CPQ: variants seen among roughly 807,000 people sequenced by gnomAD.
CPQ encodes carboxypeptidase Q, also known as Ser-Met dipeptidase.
In CPQ, 37 loss-of-function variants were observed where a neutral mutation model predicts 45.7. The observed-to-expected ratio is 0.81, with a 90% CI of 0.62 to 1.07. The LOEUF (loss-of-function observed/expected upper bound fraction) is 1.07, where lower values mean the gene tolerates loss of function less well. Ranked by LOEUF, CPQ falls within the 50% of genes least tolerant of loss-of-function variation. The pLI, the probability that CPQ is intolerant of heterozygous loss-of-function variation, is 0.00. For missense variants in CPQ, 537 were observed against 572.9 expected, an observed-to-expected ratio of 0.94 and a Z score of 0.64; for synonymous variants, 186 against 205.8, an observed-to-expected ratio of 0.90 and a Z score of 0.82.
intron 4 of CPQ, among the ~76,000 whole-genome samples, chr8:96,916,876 A>G (rs1220230328): frequency 6.6e-6 from 1 of 152,118 alleles, no homozygotes; most frequent in Non-Finnish European, 1.5e-5. Context: ...TCAAAAGTTT[A>G]GACTGGGGTA....
At chr8:96,715,563 A>G (rs537795401) in intron 1 of CPQ, among the ~76,000 whole-genome samples, 1 of 152,280 alleles carries the variant, frequency 6.6e-6, no homozygotes, top group East Asian at 1.9e-4. Flanking sequence ...TGTATCTGCA[A>G]TGGTGGATGA....
At chr8:96,865,593 C>T (rs1811987176) in intron 3 of CPQ, among the ~76,000 whole-genome samples, 1 of 152,020 alleles carries the variant, frequency 6.6e-6, no homozygotes, top group Admixed American at 6.6e-5. Flanking sequence ...ACGGCCTTGC[C>T]TCTTATGCTG....
chr8:96,863,873 A>G (rs1811962710), intron 3 of CPQ, among the ~76,000 whole-genome samples: 1 of 152,090 alleles, frequency 6.6e-6, no homozygotes, highest in Non-Finnish European at 1.5e-5. Context: ...AGATGATCAT[A>G]CTGTATAAGT....
At chr8:97,083,710 A>C (rs1810996237) in intron 7 of CPQ, among the ~76,000 whole-genome samples, 1 of 152,174 alleles carries the variant, frequency 6.6e-6, no homozygotes, top group Non-Finnish European at 1.5e-5. Context: ...TGAATGTATA[A>C]AAGCACCTGG....
At chr8:96,784,303 A>C (rs926011997) in intron 1 of CPQ, among the ~76,000 whole-genome samples, 18 of 151,254 alleles carry the variant, frequency 1.2e-4, no homozygotes, top group African/African-American at 3.6e-4. Context: ...AACATACCAC[A>C]GTTTGTGGCA....
intron 3 of CPQ, among the ~76,000 whole-genome samples, chr8:96,843,916 T>C (rs547838004): frequency 6.6e-5 from 10 of 152,374 alleles, no homozygotes; most frequent in African/African-American, 2.4e-4. Context: ...ATTAATGGTC[T>C]GTTTGCATTT....
Position 96,794,336 on chromosome 8 carries a change from C to A in CPQ, c.433+9006C>A, listed in dbSNP as rs537873229. On this transcript the variant is annotated intron_variant, in intron 2 of 7. Coordinates refer to ENST00000220763, the MANE Select transcript of CPQ (RefSeq NM_016134.4). Reference sequence around the variant, plus strand: ...GATGCCAAGGCGTGAGGCTTGTGCCCTCTGAAGCCGTGGTTCAGATTCTAC... The same window carrying A: ...GATGCCAAGGCGTGAGGCTTGTGCCATCTGAAGCCGTGGTTCAGATTCTAC... Among the ~76,000 whole-genome samples, 6 of 152,310 alleles carry A rather than the reference C, an allele frequency of 3.9e-5. No individual in the cohort carries two copies. The South Asian group carries it at 1.2e-3, about 32-fold the overall frequency.
At chr8:96,856,867 A>C (rs1811858585) in intron 3 of CPQ, among the ~76,000 whole-genome samples, 1 of 152,238 alleles carries the variant, frequency 6.6e-6, no homozygotes, top group Non-Finnish European at 1.5e-5. Flanking sequence ...CATCTGTGAA[A>C]GCAAGGACTA....
chr8:96,709,078 A>T (rs1809572710), intron 1 of CPQ, among the ~76,000 whole-genome samples: 1 of 151,910 alleles, frequency 6.6e-6, no homozygotes, highest in East Asian at 1.9e-4. Context: ...ATGTATGTTC[A>T]TTTTTTAGTT....
At chr8:97,058,862 A>C (rs1036895604) in intron 6 of CPQ, among the ~76,000 whole-genome samples, 2 of 152,164 alleles carry the variant, frequency 1.3e-5, no homozygotes, top group African/African-American at 4.8e-5. Context: ...AATAGATATC[A>C]ATTTGCTATG....
At chr8:96,873,618 T>A (rs1444011539) in intron 3 of CPQ, among the ~76,000 whole-genome samples, 1 of 151,596 alleles carries the variant, frequency 6.6e-6, no homozygotes, top group East Asian at 1.9e-4. Flanking sequence ...TTAGAAGCTT[T>A]AAAAAAAACT....
Position 96,834,960 on chromosome 8 carries a change from C to A in CPQ, c.434-13C>A. ...GAAACTGTAAGTTAATCTTGCATGA[C>A]TTTTATTTCTAGGCATTACAGCAGA... On this transcript the variant is annotated splice_polypyrimidine_tract_variant and intron_variant, in intron 2 of 7. Coordinates refer to ENST00000220763, the MANE Select transcript of CPQ (RefSeq NM_016134.4). The A allele has an allele frequency of 1.9e-6, 3 of 1,609,214 alleles. No homozygotes were observed. The highest frequency in any genetic ancestry group is 2.5e-6 in the Non-Finnish European group (3 of 1,177,462).
intron 1 of CPQ, among the ~76,000 whole-genome samples, chr8:96,753,530 C>A (rs1810289713): frequency 1.4e-5 from 2 of 139,222 alleles, no homozygotes; most frequent in Non-Finnish European, 3.3e-5. Flanking sequence ...ATCTTGCATC[C>A]CTCAAGGTTT....
chr8:96,818,964 T>A (rs903487143), intron 2 of CPQ, among the ~76,000 whole-genome samples: 7 of 152,164 alleles, frequency 4.6e-5, no homozygotes, highest in African/African-American at 1.7e-4. Flanking sequence ...CTTCTTTTTC[T>A]CTTCTGTGAA....
intron 5 of CPQ, among the ~76,000 whole-genome samples, chr8:97,021,209 T>A (rs1007131413): frequency 2.0e-5 from 3 of 152,070 alleles, no homozygotes; most frequent in Non-Finnish European, 4.4e-5. Flanking sequence ...AATCGGCATA[T>A]AAGGGACATA....
chr8:96,938,311 C>T (rs542211012), intron 4 of CPQ, among the ~76,000 whole-genome samples: 1 of 152,074 alleles, frequency 6.6e-6, no homozygotes, highest in Non-Finnish European at 1.5e-5. Context: ...GTGGAAGAAT[C>T]GCTTGAGGCT....
chr8:96,987,844 A>G (rs574288789), intron 5 of CPQ, among the ~76,000 whole-genome samples: 25 of 152,274 alleles, frequency 1.6e-4, no homozygotes, highest in Admixed American at 9.2e-4. Flanking sequence ...AAGCGGAGAG[A>G]TTAGTTGTGG....
intron 4 of CPQ, among the ~76,000 whole-genome samples, chr8:96,884,704 T>TG (rs1812276139): frequency 6.6e-6 from 1 of 152,160 alleles, no homozygotes; most frequent in Non-Finnish European, 1.5e-5. Context: ...GAACTGATCT[T>TG]TCATAGGCCA....
At chr8:96,799,060 G>C (rs1203974258) in intron 2 of CPQ, among the ~76,000 whole-genome samples, 1 of 152,154 alleles carries the variant, frequency 6.6e-6, no homozygotes, top group African/African-American at 2.4e-5. Context: ...GATTCTCATA[G>C]GTCTTTTGTG....
Sources: gnomAD v4.1 joint callset for allele counts (sites outside exome capture counted in the v4.1 genomes callset) on GRCh38, gnomAD v4.1.1 for gene constraint, MANE v1.5 for transcripts, NCBI Gene and HGNC (gene_info 2026-07-23, HGNC 2026-07-21) for gene names.